The following ADCK2 variants were observed in gnomAD, a reference collection of about 807,000 sequenced individuals.
The protein encoded by ADCK2 is aarF domain containing kinase 2.
ADCK2 carries 37 observed loss-of-function variants against 52.3 expected under a neutral mutation model. That is an observed-to-expected ratio of 0.71 (90% CI 0.54 to 0.93). The LOEUF is 0.93. ADCK2 is among the 40% of genes least tolerant of loss of function. ADCK2 has a pLI of 0.00. For synonymous variants in ADCK2, 321 were observed against 349.2 expected, an observed-to-expected ratio of 0.92 and a Z score of 0.90; for missense variants, 695 against 798.7, an observed-to-expected ratio of 0.87 and a Z score of 1.56.
chr7:140,674,230 T>A lies in ADCK2; in HGVS notation c.900T>A (p.Pro300=). 6.2e-7 allele frequency: 1 copy of A among 1,612,684 alleles called. No individual in the cohort carries two copies. ...GGGCTCAGGTCCCTGGCCACCAACC[T>A]GAGGCCACCAACCTCATCTCCGTGG... ...VSRAQVPGHQ[P]EATNLISVAV... The change falls in exon 1 of 8, where the codon CCT becomes CCA. Residue 300 remains proline (P), a synonymous_variant. Coordinates refer to ENST00000072869, the MANE Select transcript of ADCK2 (RefSeq NM_052853.4). The surrounding 1 kb of genome is among the most constrained non-coding windows in gnomAD (Gnocchi z 4.6).
intron 4 of ADCK2, among the ~76,000 whole-genome samples, chr7:140,684,997 A>T (rs1794581022): frequency 6.6e-6 from 1 of 151,822 alleles, no homozygotes; most frequent in African/African-American, 2.4e-5. Context: ...AGCGAGGATG[A>T]GGGGCCTCCA....
chr7:140,680,341 C>T lies in ADCK2; in HGVS notation c.1210-701C>T, dbSNP rs184955381. On this transcript the variant is annotated intron_variant, in intron 3 of 7. Transcript: ENST00000072869. The stretch of plus-strand genomic sequence containing the variant: ...TAATTTTTGTATTTTTCTGTAGAGC[C>T]TGGGTTTCTCCCTGTTGCCCAGGCT... Among the ~76,000 whole-genome samples, 642 of 151,822 alleles carry T rather than the reference C, an allele frequency of 4.2e-3. 7 individuals are homozygous for T. Among genetic ancestry groups the T allele is most frequent in the African/African-American group, 0.014 (599 of 41,412 alleles).
At position 140,687,267 on chromosome 7, in the gene ADCK2, T is replaced by G. The variant is rs1253735230; in HGVS notation, c.1557+26T>G. The G allele has an allele frequency of 2.0e-6, 3 of 1,522,320 alleles. No homozygotes were observed. In the African/African-American group the frequency reaches 4.2e-5, roughly 21 times the overall value. The allele number at this position is 1,522,320 out of a possible 1,614,324, so 94.3% of individuals were successfully genotyped here. ...GTGAGACGCACTGGGACCACAGAAG[T>G]TGGGGTGAATTTTTTTTAATTAAAA... is the stretch of plus-strand genomic sequence containing the variant. On this transcript the variant is annotated intron_variant, in intron 5 of 7. Transcript: ENST00000072869.
chr7:140,685,182 C>T (rs1321850858), intron 4 of ADCK2, among the ~76,000 whole-genome samples: 1 of 152,130 alleles, frequency 6.6e-6, no homozygotes, highest in Admixed American at 6.6e-5. Context: ...GGCATGGTGG[C>T]TCACTCCTGT....
intron 4 of ADCK2, among the ~76,000 whole-genome samples, chr7:140,685,092 C>A (rs11972791): frequency 0.014 from 2,165 of 151,512 alleles, 52 homozygotes; most frequent in African/African-American, 0.049. Flanking sequence ...AAAAAAAAAA[C>A]AACTGAATTA....
In ADCK2 at chr7:140,674,558, G is replaced by A; in HGVS notation, c.934-53G>A. 6.3e-7 allele frequency: 1 copy of A among 1,578,296 alleles called. No homozygotes were observed. Among genetic ancestry groups the A allele is most frequent in the Non-Finnish European group, 8.6e-7 (1 of 1,158,904 alleles). On this transcript the variant is annotated intron_variant, in intron 1 of 7. Coordinates refer to ENST00000072869, the MANE Select transcript of ADCK2 (RefSeq NM_052853.4). This position sits in a 1 kb window ranked among gnomAD's most constrained non-coding sequence, Gnocchi z 4.6. ...GGATGGTGGGACCCAGCCCTGGCTG[G>A]GTAAAATGTGTCCAGCAGGTTTCTC...
chr7:140,684,387 A>G (rs1794569913), intron 4 of ADCK2, among the ~76,000 whole-genome samples: 1 of 152,096 alleles, frequency 6.6e-6, no homozygotes, highest in African/African-American at 2.4e-5. Flanking sequence ...CGTTGGCAGT[A>G]ATCGTGACCC....
rs1283519636 is a variant in ADCK2, at chr7:140,690,916, G to GTTT, written c.1740+107_1740+109dup. The GTTT allele has an allele frequency of 9.3e-6, 10 of 1,073,834 alleles. No individual in the cohort carries two copies. In the African/African-American group the frequency reaches 1.3e-4, roughly 14 times the overall value. The allele number at this position is 1,073,834 out of a possible 1,614,324, so 66.5% of individuals were successfully genotyped here. On this transcript the variant is annotated intron_variant, in intron 7 of 7. Coordinates refer to ENST00000072869, the MANE Select transcript of ADCK2 (RefSeq NM_052853.4). Reference sequence around the variant, plus strand: ...GAGGCGCTTCTATTATATGGTTCTTGTTTTTTGTTGTTGTTTTTCTTTTTT... The same window carrying GTTT: ...GAGGCGCTTCTATTATATGGTTCTTGTTTTTTTTTGTTGTTGTTTTTCTTTTTT...
At chr7:140,679,977 C>A (rs1347483226) in intron 3 of ADCK2, among the ~76,000 whole-genome samples, 1 of 151,860 alleles carries the variant, frequency 6.6e-6, no homozygotes, top group African/African-American at 2.4e-5. Flanking sequence ...CCCAGCCCAG[C>A]CTCCTCTTTA....
In ADCK2 at chr7:140,673,219, T is replaced by G; in HGVS notation, c.-112T>G. On this transcript the variant is annotated 5_prime_UTR_variant, in exon 1 of 8. The change abolishes an upstream ATG in the 5' untranslated region. Transcript: ENST00000072869. This position sits in a 1 kb window ranked among gnomAD's most constrained non-coding sequence, Gnocchi z 6.4. ...GAGCGGGGCGCGGATCCGGCCCAGA[T>G]GGGCAGCTCCGTCCGCGGGGTCAGG... 1.1e-6 allele frequency: 1 copy of G among 916,472 alleles called. No individual in the cohort carries two copies. 56.8% of individuals were successfully genotyped at this position (916,472 alleles called of 1,614,324 possible).
rs1229765158 is a variant in ADCK2, at chr7:140,694,728, C to G, written c.1806C>G (p.Arg602=). ...FAIMVLEGLG[R]SLDPKLDILE... ...TCATGGTGTTGGAGGGGCTTGGCCG[C>G]TCACTGGACCCCAAACTGGACATCC... Residue 602 remains arginine (R), a synonymous_variant, in exon 8 of 8, where the codon CGC becomes CGG. Transcript: ENST00000072869. 1 of 1,614,058 alleles carries G rather than the reference C, an allele frequency of 6.2e-7. No homozygotes were observed. Among genetic ancestry groups the G allele is most frequent in the Non-Finnish European group, 8.5e-7 (1 of 1,180,034 alleles).
At chr7:140,690,857 G>T in intron 7 of ADCK2, 44 bp downstream of exon 7, 1 of 1,574,432 alleles carries the variant, frequency 6.4e-7, no homozygotes, top group South Asian at 1.1e-5. Context: ...AGGTGGGACG[G>T]GGCAGGGAGG....
rs1386883798 is a variant in ADCK2 at position 140,673,271 on chromosome 7, C to T, written c.-60C>T. On this transcript the variant is annotated 5_prime_UTR_variant, in exon 1 of 8. Transcript: ENST00000072869. This position sits in a 1 kb window ranked among gnomAD's most constrained non-coding sequence, Gnocchi z 6.4. ...CCGGGCTTCGGCTTCACCGCAGCCT[C>T]GCCTGAGCGGGCGCCTCTGAAGTGG... 2 of 1,372,806 alleles carry T rather than the reference C, an allele frequency of 1.5e-6. No homozygotes were observed. Among genetic ancestry groups the T allele is most frequent in the African/African-American group, 1.5e-5 (1 of 65,082 alleles). 85.0% of individuals were successfully genotyped at this position (1,372,806 alleles called of 1,614,324 possible). A position where few individuals can be genotyped will look rare whatever the true frequency, so the allele number is the denominator to read the frequency against.
In ADCK2 at chr7:140,689,683, G is replaced by A. The variant is rs1293706165; in HGVS notation, c.1644G>A (p.Met548Ile). 6.2e-6 allele frequency: 10 copies of A among 1,613,796 alleles called. No homozygotes were observed. The highest frequency in any genetic ancestry group is 1.3e-5 in the African/African-American group (1 of 75,038). Reference protein sequence around the residue: ...DVEGFKTEMAMLVTQARKNTI... With the variant: ...DVEGFKTEMAILVTQARKNTI... ...AGGGGTTCAAAACCGAGATGGCCAT[G>A]CTGGTGACCCAGGCCAGGAAGAACA... The change falls in exon 6 of 8, where the codon ATG becomes ATA. Residue 548 changes from methionine to isoleucine, a missense_variant. Met to Ile is a conservative substitution (Grantham distance 10). Coordinates refer to ENST00000072869, the MANE Select transcript of ADCK2 (RefSeq NM_052853.4).
intron 2 of ADCK2, among the ~76,000 whole-genome samples, chr7:140,677,461 C>T (rs1004344045): frequency 2.6e-5 from 4 of 151,830 alleles, no homozygotes; most frequent in South Asian, 2.1e-4. Context: ...CCTGTATCCC[C>T]GGATTCAATA....
At chr7:140,687,465 A>G (rs1409806273) in intron 5 of ADCK2, among the ~76,000 whole-genome samples, 3 of 152,146 alleles carry the variant, frequency 2.0e-5, no homozygotes, top group Non-Finnish European at 4.4e-5. Context: ...CTGTAATCTC[A>G]GCACTTTGGG....
intron 4 of ADCK2, among the ~76,000 whole-genome samples, chr7:140,684,220 T>A (rs1794566376): frequency 2.6e-5 from 4 of 151,880 alleles, no homozygotes; most frequent in Non-Finnish European, 5.9e-5. Context: ...CAGAGAGGAG[T>A]GTCTGGGGCA....
chr7:140,688,766 G>C (rs570381892), intron 5 of ADCK2, among the ~76,000 whole-genome samples: 142 of 152,238 alleles, frequency 9.3e-4, no homozygotes, highest in Middle Eastern at 6.8e-3. Context: ...AGTAGTTTTT[G>C]CAGCCTCCCC....
chr7:140,693,766 G>A lies in ADCK2; in HGVS notation c.1741-897G>A, dbSNP rs1794747874. On this transcript the variant is annotated intron_variant, in intron 7 of 7. Coordinates refer to ENST00000072869, the MANE Select transcript of ADCK2 (RefSeq NM_052853.4). The surrounding 1 kb of genome is among the most constrained non-coding windows in gnomAD (Gnocchi z 4.0). The stretch of plus-strand genomic sequence containing the variant: ...ACTCTGTTGCCCAGGCTGGAGTGCA[G>A]TGGAGCCATCCTGGCTCACTGCAAG... Among the ~76,000 whole-genome samples the A allele has an allele frequency of 6.6e-6, 1 of 152,168 alleles. No individual in the cohort carries two copies. Among genetic ancestry groups the A allele is most frequent in the Admixed American group, 6.5e-5 (1 of 15,284 alleles).
Sources: gnomAD v4.1 joint callset for allele counts (sites outside exome capture counted in the v4.1 genomes callset) on GRCh38, gnomAD v4.1.1 for gene constraint, Gnocchi (gnomAD v3.1) non-coding constraint, MANE v1.5 for transcripts, NCBI Gene and HGNC (gene_info 2026-07-23, HGNC 2026-07-21) for gene names.